Variants in PCBP3 observed in about 807,000 individuals in gnomAD.
The protein encoded by PCBP3 is poly(rC) binding protein 3.
In PCBP3, 25 loss-of-function variants were observed where a neutral mutation model predicts 52.7. That is an observed-to-expected ratio of 0.47 (90% CI 0.35 to 0.66). The LOEUF is 0.66. Ranked by LOEUF, PCBP3 falls within the 30% of genes least tolerant of loss-of-function variation. PCBP3 has a pLI of 0.01. For missense variants in PCBP3, 391 were observed against 490.3 expected, an observed-to-expected ratio of 0.80 and a Z score of 1.91; for synonymous variants, 162 against 183.0, an observed-to-expected ratio of 0.89 and a Z score of 0.93.
chr21:45,646,590 A>G (rs999799549), intron 1 of PCBP3, among the ~76,000 whole-genome samples: 1 of 152,228 alleles, frequency 6.6e-6, no homozygotes, highest in African/African-American at 2.4e-5. Flanking sequence ...CTCCACTCCC[A>G]TGACAACCCA....
chr21:45,783,888 C>G (rs116632957), intron 4 of PCBP3, among the ~76,000 whole-genome samples: 2 of 152,118 alleles, frequency 1.3e-5, no homozygotes, highest in African/African-American at 2.4e-5. Context: ...TGGACCAGGC[C>G]GTGAGCAGGA....
At chr21:45,806,738 A>G (rs899235224) in intron 4 of PCBP3, among the ~76,000 whole-genome samples, 5 of 151,914 alleles carry the variant, frequency 3.3e-5, no homozygotes, top group African/African-American at 1.2e-4. Context: ...GAGTCCCCAC[A>G]CCCCACGGAA....
chr21:45,655,477 T>G (rs980455190), intron 1 of PCBP3, among the ~76,000 whole-genome samples: 1 of 152,108 alleles, frequency 6.6e-6, no homozygotes, highest in South Asian at 2.1e-4. Flanking sequence ...GGGTGGGAAG[T>G]AGTAGATATT....
intron 4 of PCBP3, among the ~76,000 whole-genome samples, chr21:45,833,338 A>G (rs746455364): frequency 7.2e-5 from 11 of 152,246 alleles, no homozygotes; most frequent in Non-Finnish European, 1.5e-4. Flanking sequence ...GCTGAGAGAA[A>G]GCCTGTGGCC....
chr21:45,866,041 G>C (rs997981267), intron 5 of PCBP3, among the ~76,000 whole-genome samples: 1 of 152,238 alleles, frequency 6.6e-6, no homozygotes, highest in Admixed American at 6.5e-5. Context: ...CAGCAGAATA[G>C]CAGTGGGCTT....
Position 45,912,266 on chromosome 21 carries a change from C to T in PCBP3, c.600+1236C>T, listed in dbSNP as rs980761126. 2.0e-5 allele frequency among the ~76,000 whole-genome samples: 3 copies of T among 152,202 alleles called. No individual in the cohort carries two copies. The East Asian group carries it at 5.8e-4, about 29-fold the overall frequency. On this transcript the variant is annotated intron_variant, in intron 11 of 17. Coordinates refer to ENST00000681687, the MANE Select transcript of PCBP3 (RefSeq NM_001384156.1). ...ACAGGGAGCTCGTAGCAGACATGGC[C>T]AGTGAAGATGGCCAGGCAGCTGCTC...
intron 2 of PCBP3, among the ~76,000 whole-genome samples, chr21:45,686,672 G>A (rs2082173163): frequency 6.6e-6 from 1 of 152,032 alleles, no homozygotes; most frequent in African/African-American, 2.4e-5. Flanking sequence ...AGTACTTAAA[G>A]GGCAACATGA....
At chr21:45,919,325 G>T (rs1341368308) in intron 13 of PCBP3, 1 of 152,252 alleles carries the variant, frequency 6.6e-6, no homozygotes, top group East Asian at 1.9e-4. Context: ...AGCTGGTTGG[G>T]AGGTGGCCGC....
At chr21:45,687,514 A>G (rs1242467710) in intron 2 of PCBP3, among the ~76,000 whole-genome samples, 3 of 152,194 alleles carry the variant, frequency 2.0e-5, no homozygotes, top group Non-Finnish European at 4.4e-5. Context: ...TAAACAACAA[A>G]CAAGTAGTAA....
At position 45,737,201 on chromosome 21, in the gene PCBP3, G is replaced by A. The variant is rs1390420535; in HGVS notation, c.-162+1772G>A. 6.6e-6 allele frequency among the ~76,000 whole-genome samples: 1 copy of A among 152,130 alleles called. No homozygotes were observed. Among genetic ancestry groups the A allele is most frequent in the Non-Finnish European group, 1.5e-5 (1 of 68,016 alleles). Reference sequence around the variant, plus strand: ...CCCGAGGCTGCTCTCAGTCCACGTGGCGTCGGGGCTGAGAGGAGCCCACAG... The same window carrying A: ...CCCGAGGCTGCTCTCAGTCCACGTGACGTCGGGGCTGAGAGGAGCCCACAG... On this transcript the variant is annotated intron_variant, in intron 3 of 17. Coordinates refer to ENST00000681687, the MANE Select transcript of PCBP3 (RefSeq NM_001384156.1). This position sits in a 1 kb window ranked among gnomAD's most constrained non-coding sequence, Gnocchi z 4.9.
chr21:45,707,172 A>C (rs953912758), intron 2 of PCBP3, among the ~76,000 whole-genome samples: 1 of 152,114 alleles, frequency 6.6e-6, no homozygotes, highest in African/African-American at 2.4e-5. Context: ...CTGGGGATCT[A>C]GGTCAGTGCT....
intron 13 of PCBP3, among the ~76,000 whole-genome samples, chr21:45,926,753 G>A (rs1001330830): frequency 6.6e-6 from 1 of 152,220 alleles, no homozygotes; most frequent in Non-Finnish European, 1.5e-5. Flanking sequence ...ACACAAGACA[G>A]AAGAATTTAG....
chr21:45,862,986 T>C (rs1339888236), intron 5 of PCBP3, among the ~76,000 whole-genome samples: 1 of 152,058 alleles, frequency 6.6e-6, no homozygotes, highest in East Asian at 1.9e-4. Context: ...TGGCCCCGAG[T>C]GTCTGGGCTG....
chr21:45,889,740 G>C (rs57996456), intron 5 of PCBP3, among the ~76,000 whole-genome samples: 1 of 152,256 alleles, frequency 6.6e-6, no homozygotes, highest in African/African-American at 2.4e-5. Context: ...GTTTGTTGCC[G>C]TGAGTGCTGC....
chr21:45,842,211 T>C (rs1305015721), intron 4 of PCBP3, among the ~76,000 whole-genome samples: 1 of 152,208 alleles, frequency 6.6e-6, no homozygotes, highest in East Asian at 1.9e-4. Flanking sequence ...TTCTTTTTTG[T>C]TGTGTTGTGT....
intron 2 of PCBP3, among the ~76,000 whole-genome samples, chr21:45,714,144 T>G (rs957767434): frequency 2.6e-5 from 4 of 152,214 alleles, no homozygotes; most frequent in African/African-American, 9.6e-5. Context: ...TCCATTTCCC[T>G]CACTCCTTTG....
intron 15 of PCBP3, among the ~76,000 whole-genome samples, chr21:45,932,387 A>G (rs1282524332): frequency 6.6e-6 from 1 of 151,906 alleles, no homozygotes; most frequent in African/African-American, 2.4e-5. Flanking sequence ...CCTGAGATGA[A>G]TGAACACATC....
chr21:45,646,947 C>T (rs1229629164), intron 1 of PCBP3, among the ~76,000 whole-genome samples: 1 of 152,138 alleles, frequency 6.6e-6, no homozygotes, highest in Non-Finnish European at 1.5e-5. Context: ...AGAGCTATAT[C>T]TACTCTCTTT....
intron 5 of PCBP3, chr21:45,858,745 C>T (rs903530148): frequency 1.3e-5 from 2 of 152,198 alleles, no homozygotes; most frequent in Non-Finnish European, 2.9e-5. Context: ...TGTGTCCCCA[C>T]CCAAATCTCA....
Sources: allele counts gnomAD v4.1 joint callset (sites outside exome capture counted in the v4.1 genomes callset), GRCh38; gene constraint gnomAD v4.1.1; non-coding constraint Gnocchi (gnomAD v3.1); transcripts MANE v1.5; gene names NCBI Gene and HGNC (gene_info 2026-07-23, HGNC 2026-07-21).